Variants in VKORC1L1 observed in about 807,000 individuals in gnomAD.
VKORC1L1 encodes the protein vitamin K epoxide reductase complex subunit 1L1.
In VKORC1L1, 2 loss-of-function variants were observed where a neutral mutation model predicts 18.9. The observed-to-expected ratio is 0.11, with a 90% confidence interval of 0.04 to 0.33. The LOEUF (loss-of-function observed/expected upper bound fraction) is 0.33. VKORC1L1 is among the 10% of genes least tolerant of loss of function. The pLI is 1.00. For synonymous variants in VKORC1L1, 96 were observed against 100.0 expected (o/e 0.96, Z 0.24); for missense variants, 123 against 224.1 (o/e 0.55, Z 2.88).
upstream of VKORC1L1, among the ~76,000 whole-genome samples, chr7:65,869,640 C>CTT (rs1226951533): frequency 4.7e-3 from 363 of 77,290 alleles, 27 homozygotes; most frequent in South Asian, 0.055. Flanking sequence ...CGATTTCATT[C>CTT]TTTTTTTTTT....
At chr7:65,895,305 C>T (rs1323246205) in intron 1 of VKORC1L1, among the ~76,000 whole-genome samples, 1 of 151,308 alleles carries the variant, frequency 6.6e-6, no homozygotes, top group Non-Finnish European at 1.5e-5. Flanking sequence ...AATAACTGTG[C>T]ATCTTAAATT....
chr7:65,934,299 A>G (rs1177088891), intron 1 of VKORC1L1, among the ~76,000 whole-genome samples: 2 of 152,304 alleles, frequency 1.3e-5, no homozygotes, highest in Non-Finnish European at 1.5e-5. Flanking sequence ...GTACAACATG[A>G]TGTTATAATT....
At chr7:65,898,799 T>C (rs1190564748) in intron 1 of VKORC1L1, among the ~76,000 whole-genome samples, 1 of 152,188 alleles carries the variant, frequency 6.6e-6, no homozygotes, top group Non-Finnish European at 1.5e-5. Context: ...TCCAAAACTT[T>C]TTCCTAGCCA....
chr7:65,901,435 A>G (rs1243841390), intron 1 of VKORC1L1, among the ~76,000 whole-genome samples: 2 of 152,366 alleles, frequency 1.3e-5, no homozygotes, highest in East Asian at 3.9e-4. Context: ...CAGTGATAGA[A>G]TAACAAGGAC....
At chr7:65,949,453 TG>T (rs1790177582) in intron 2 of VKORC1L1, among the ~76,000 whole-genome samples, 2 of 151,904 alleles carry the variant, frequency 1.3e-5, no homozygotes, top group Admixed American at 1.3e-4. Flanking sequence ...CACTCCAGCC[TG>T]GGCAACAAGA....
intron 2 of VKORC1L1, among the ~76,000 whole-genome samples, chr7:65,950,051 A>C (rs937310115): frequency 1.3e-5 from 2 of 152,128 alleles, no homozygotes; most frequent in Admixed American, 6.6e-5. Flanking sequence ...CTGAAGCTCC[A>C]GCGGTCTTTA....
chr7:65,898,485 G>A (rs1789255802), intron 1 of VKORC1L1, among the ~76,000 whole-genome samples: 1 of 152,142 alleles, frequency 6.6e-6, no homozygotes, highest in African/African-American at 2.4e-5. Context: ...TGAACAGTAT[G>A]TGTAGTATGC....
At chr7:65,901,522 C>A (rs1166031238) in intron 1 of VKORC1L1, among the ~76,000 whole-genome samples, 1 of 152,218 alleles carries the variant, frequency 6.6e-6, no homozygotes, top group African/African-American at 2.4e-5. Context: ...CAAAGCAAGA[C>A]TGTGGTCACT....
chr7:65,891,087 T>G (rs2116360253), intron 1 of VKORC1L1, among the ~76,000 whole-genome samples: 1 of 150,416 alleles, frequency 6.6e-6, no homozygotes, highest in Non-Finnish European at 1.5e-5. Context: ...CTGGCTTCTT[T>G]TGCCCAGCAT....
At position 65,959,466 on chromosome 7, in the gene VKORC1L1, A is replaced by T. The variant is rs1222593850; in HGVS notation, c.*5166A>T. 2.0e-5 allele frequency: 3 copies of T among 152,014 alleles called. No homozygotes were observed. The highest frequency in any genetic ancestry group is 7.2e-5 in the African/African-American group (3 of 41,394). The allele number at this position is 152,014 out of a possible 1,614,324, so 9.4% of individuals were successfully genotyped here. On this transcript the variant is annotated 3_prime_UTR_variant, in exon 3 of 3. Transcript: ENST00000360768. Reference sequence around the variant, plus strand: ...TTTGAAAAACTAAAGAGAAGTTGATAAAAAAAATACAGAAGCTCTAGATTC... The same window carrying T: ...TTTGAAAAACTAAAGAGAAGTTGATTAAAAAAATACAGAAGCTCTAGATTC...
Position 65,954,402 on chromosome 7 carries a change from C to T in VKORC1L1, c.*102C>T. On this transcript the variant is annotated 3_prime_UTR_variant, in exon 3 of 3. Transcript: ENST00000360768. Reference sequence around the variant, plus strand: ...TATTATTATTATTATTCACAACAGACACTTTCCCTAAGAATCTCAAACTGA... The same window carrying T: ...TATTATTATTATTATTCACAACAGATACTTTCCCTAAGAATCTCAAACTGA... The T allele has an allele frequency of 7.0e-7, 1 of 1,424,444 alleles. No homozygotes were observed. The highest frequency in any genetic ancestry group is 9.2e-7 in the Non-Finnish European group (1 of 1,088,496). The allele number at this position is 1,424,444 out of a possible 1,614,324, so 88.2% of individuals were successfully genotyped here. A position where few individuals can be genotyped will look rare whatever the true frequency, so the allele number is the denominator to read the frequency against.
intron 1 of VKORC1L1, among the ~76,000 whole-genome samples, chr7:65,878,199 A>C (rs963907198): frequency 1.3e-5 from 2 of 152,206 alleles, no homozygotes; most frequent in African/African-American, 4.8e-5. Flanking sequence ...TAATCCCAGC[A>C]CTTTGGGAGG....
At chr7:65,897,731 A>G (rs1374381444) in intron 1 of VKORC1L1, among the ~76,000 whole-genome samples, 1 of 150,862 alleles carries the variant, frequency 6.6e-6, no homozygotes, top group Non-Finnish European at 1.5e-5. Flanking sequence ...GTTATGTGGA[A>G]TTACACTGAG....
In VKORC1L1 at chr7:65,930,650, A is replaced by G. The variant is rs561976711; in HGVS notation, c.195-18021A>G. Among the ~76,000 whole-genome samples, 5 of 152,246 alleles carry G rather than the reference A, an allele frequency of 3.3e-5. No individual in the cohort carries two copies. In the South Asian group the frequency reaches 8.3e-4, roughly 25 times the overall value. On this transcript the variant is annotated intron_variant, in intron 1 of 2. Coordinates refer to ENST00000360768, the MANE Select transcript of VKORC1L1 (RefSeq NM_173517.6). ...TATTCAGTCTCACTTGGGATTTTCT[A>G]TATAGACAATTGTGCCATCTACAAA...
In VKORC1L1 at chr7:65,875,706, C is replaced by A. The variant is rs187637175; in HGVS notation, c.194+2141C>A. Among the ~76,000 whole-genome samples, 610 of 152,210 alleles carry A rather than the reference C, an allele frequency of 4.0e-3. 2 individuals carry two copies. Among genetic ancestry groups the A allele is most frequent in the African/African-American group, 0.014 (575 of 41,524 alleles). On this transcript the variant is annotated intron_variant, in intron 1 of 2. Coordinates refer to ENST00000360768, the MANE Select transcript of VKORC1L1 (RefSeq NM_173517.6). The stretch of plus-strand genomic sequence containing the variant: ...TGCTGGGATTACAGACGTGAGCCAC[C>A]GCGCCTAGCCTGAAACAGACTTTAA...
intron 1 of VKORC1L1, among the ~76,000 whole-genome samples, chr7:65,884,088 G>A (rs1583823578): frequency 6.6e-6 from 1 of 152,138 alleles, no homozygotes; most frequent in Non-Finnish European, 1.5e-5. Context: ...TCTATACATT[G>A]TGCCAGTGGT....
At chr7:65,914,603 C>T (rs899957171) in intron 1 of VKORC1L1, among the ~76,000 whole-genome samples, 9 of 152,230 alleles carry the variant, frequency 5.9e-5, no homozygotes, top group African/African-American at 1.7e-4. Context: ...AGAGTGGTAA[C>T]AGCATTCTTT....
chr7:65,920,465 C>T (rs1301115932), intron 1 of VKORC1L1, among the ~76,000 whole-genome samples: 1 of 152,146 alleles, frequency 6.6e-6, no homozygotes, highest in Admixed American at 6.5e-5. Flanking sequence ...GGAGCATAGA[C>T]TGGTATAGGA....
chr7:65,954,316 A>G lies in VKORC1L1; in HGVS notation c.*16A>G, dbSNP rs1384237384. On this transcript the variant is annotated 3_prime_UTR_variant, in exon 3 of 3. Transcript: ENST00000360768. ...GCAGGACTGACGCCCGACAGACTCC[A>G]CCCTAACAGTCTCAAGCCCCTTTCC... is the stretch of plus-strand genomic sequence containing the variant. 16 of 1,613,708 alleles carry G rather than the reference A, an allele frequency of 9.9e-6. No individual in the cohort carries two copies. Among genetic ancestry groups the G allele is most frequent in the African/African-American group, 1.3e-5 (1 of 74,906 alleles).
Sources: allele counts gnomAD v4.1 joint callset (sites outside exome capture counted in the v4.1 genomes callset), GRCh38; gene constraint gnomAD v4.1.1; transcripts MANE v1.5; gene names NCBI Gene and HGNC (gene_info 2026-07-23, HGNC 2026-07-21).